SHB: variants seen among roughly 807,000 people sequenced by gnomAD.
SHB encodes the protein SH2 domain-containing adapter protein B.
A neutral mutation model predicts 52.3 loss-of-function variants in SHB; 20 were observed. The ratio of observed to expected loss-of-function variants is 0.38; its 90% CI spans 0.27 to 0.56. The LOEUF (loss-of-function observed/expected upper bound fraction) is 0.56, where lower values mean the gene tolerates loss of function less well. SHB is among the 20% of genes least tolerant of loss of function. The probability of loss-of-function intolerance (pLI) is 0.71; values close to 1 mark genes in which losing one functional copy is unlikely to be tolerated. For missense variants in SHB, 825 were observed against 723.3 expected (o/e 1.14, Z -1.61); for synonymous variants, 397 against 316.5 (o/e 1.25, Z -2.70).
At chr9:37,950,236 C>G (rs1832549119) in intron 4 of SHB, among the ~76,000 whole-genome samples, 1 of 151,966 alleles carries the variant, frequency 6.6e-6, no homozygotes, top group Non-Finnish European at 1.5e-5. Context: ...TGCATCCAGC[C>G]TGATTTTCCT....
intron 1 of SHB, among the ~76,000 whole-genome samples, chr9:38,034,479 C>G (rs147599720): frequency 6.6e-6 from 1 of 152,224 alleles, no homozygotes; most frequent in Non-Finnish European, 1.5e-5. Context: ...GAGCTCACTA[C>G]CTCCCCAAAT....
intron 1 of SHB, among the ~76,000 whole-genome samples, chr9:38,034,023 G>C (rs562464931): frequency 1.3e-5 from 2 of 152,230 alleles, no homozygotes; most frequent in Admixed American, 1.3e-4. Flanking sequence ...CTCACCCTTC[G>C]CCATTAAAAA....
intron 5 of SHB, among the ~76,000 whole-genome samples, chr9:37,932,510 G>A (rs948327367): frequency 2.2e-5 from 3 of 134,974 alleles, no homozygotes; most frequent in Admixed American, 8.3e-5. Context: ...TAAACAAATT[G>A]TACTTCATAT....
intron 1 of SHB, among the ~76,000 whole-genome samples, chr9:38,039,053 C>T (rs939465259): frequency 1.3e-5 from 2 of 152,076 alleles, no homozygotes; most frequent in Non-Finnish European, 2.9e-5. Context: ...GGCTGGCGGG[C>T]GGGCGTGACA....
At chr9:38,044,578 A>C (rs1006139247) in intron 1 of SHB, among the ~76,000 whole-genome samples, 3 of 152,258 alleles carry the variant, frequency 2.0e-5, no homozygotes, top group East Asian at 1.9e-4. Flanking sequence ...CACTGAGGAG[A>C]ATCAAAGCTG....
At chr9:37,923,889 C>T (rs1402330362) in intron 5 of SHB, among the ~76,000 whole-genome samples, 1 of 152,234 alleles carries the variant, frequency 6.6e-6, no homozygotes, top group Non-Finnish European at 1.5e-5. Context: ...AGCCCCGGCC[C>T]CGCATCCCGA....
intron 3 of SHB, among the ~76,000 whole-genome samples, chr9:37,971,294 AG>A (rs1268246578): frequency 6.6e-6 from 1 of 152,166 alleles, no homozygotes; most frequent in Non-Finnish European, 1.5e-5. Context: ...CTTCCCGGGA[AG>A]CTGCACTTCT....
chr9:38,059,385 C>T (rs1290038858), intron 1 of SHB, among the ~76,000 whole-genome samples: 1 of 152,178 alleles, frequency 6.6e-6, no homozygotes, highest in Non-Finnish European at 1.5e-5. Flanking sequence ...CTGGACCCAC[C>T]TCCAAGATCC....
intron 5 of SHB, among the ~76,000 whole-genome samples, chr9:37,928,004 T>G (rs1832270683): frequency 6.6e-6 from 1 of 152,050 alleles, no homozygotes; most frequent in African/African-American, 2.4e-5. Context: ...TGAAGGCCTG[T>G]GTGTCGGAAA....
intron 5 of SHB, among the ~76,000 whole-genome samples, chr9:37,948,404 C>CA (rs1832519225): frequency 6.6e-6 from 1 of 152,166 alleles, no homozygotes; most frequent in South Asian, 2.1e-4. Flanking sequence ...ATAGTTAATA[C>CA]AAAATCCTAG....
rs1490465550 is a variant in SHB, at chr9:37,973,502, C to A, written c.1054+1120G>T. On this transcript the variant is annotated intron_variant, in intron 3 of 5. Transcript: ENST00000377707. Reference sequence around the variant, plus strand: ...CCTCCCAAAGTGCCAGGACTACAGGCGTGAGCCACCGCGCCCGGCCTTCTG... The same window carrying A: ...CCTCCCAAAGTGCCAGGACTACAGGAGTGAGCCACCGCGCCCGGCCTTCTG... 4.6e-5 allele frequency among the ~76,000 whole-genome samples: 7 copies of A among 152,200 alleles called. No homozygotes were observed. The East Asian group carries it at 1.3e-3, about 29-fold the overall frequency.
At chr9:37,956,606 C>G (rs1016550301) in intron 3 of SHB, among the ~76,000 whole-genome samples, 2 of 152,334 alleles carry the variant, frequency 1.3e-5, no homozygotes, top group Middle Eastern at 3.4e-3. Flanking sequence ...GAGGCTAAAG[C>G]AGTGCCCATA....
chr9:37,934,126 A>T (rs193131771), intron 5 of SHB, among the ~76,000 whole-genome samples: 138 of 152,224 alleles, frequency 9.1e-4, no homozygotes, highest in African/African-American at 3.2e-3. Flanking sequence ...ATTAACACAG[A>T]CACTCCTGAG....
intron 5 of SHB, among the ~76,000 whole-genome samples, chr9:37,921,632 A>G (rs1449867016): frequency 1.3e-5 from 2 of 152,220 alleles, no homozygotes; most frequent in Non-Finnish European, 2.9e-5. Flanking sequence ...CAATGTTCTA[A>G]TTACAGAGCC....
At chr9:37,928,701 G>A (rs1832278315) in intron 5 of SHB, among the ~76,000 whole-genome samples, 1 of 152,218 alleles carries the variant, frequency 6.6e-6, no homozygotes, top group African/African-American at 2.4e-5. Flanking sequence ...TGTGGTGAGG[G>A]GCAGATGAGA....
intron 2 of SHB, among the ~76,000 whole-genome samples, chr9:38,004,871 G>A (rs1413965468): frequency 6.6e-6 from 1 of 152,244 alleles, no homozygotes; most frequent in African/African-American, 2.4e-5. Flanking sequence ...ATTGGCCAGG[G>A]CAGAGGTGAG....
At chr9:37,942,605 A>G (rs1427611338) in intron 5 of SHB, among the ~76,000 whole-genome samples, 1 of 152,222 alleles carries the variant, frequency 6.6e-6, no homozygotes, top group Non-Finnish European at 1.5e-5. Flanking sequence ...AGCACCATCT[A>G]TGTGTAGGGC....
At chr9:38,044,339 GC>G (rs1459871327) in intron 1 of SHB, among the ~76,000 whole-genome samples, 1 of 152,190 alleles carries the variant, frequency 6.6e-6, no homozygotes, top group Non-Finnish European at 1.5e-5. Flanking sequence ...CAATCTGGCT[GC>G]AACAACTCTT....
At chr9:37,952,164 G>T (rs1184691976) in intron 4 of SHB, among the ~76,000 whole-genome samples, 8 of 152,196 alleles carry the variant, frequency 5.3e-5, no homozygotes, top group Non-Finnish European at 8.8e-5. Flanking sequence ...GAGAGATACA[G>T]GAAACAATTC....
Sources: gnomAD v4.1 joint callset for allele counts (sites outside exome capture counted in the v4.1 genomes callset) on GRCh38, gnomAD v4.1.1 for gene constraint, MANE v1.5 for transcripts, NCBI Gene and HGNC (gene_info 2026-07-23, HGNC 2026-07-21) for gene names.